The following NCEH1 variants were observed in gnomAD, a reference collection of about 807,000 sequenced individuals.
NCEH1 encodes neutral cholesterol ester hydrolase 1.
Under a neutral mutation model 25.4 loss-of-function variants are expected in NCEH1, and 9 were observed. That is an observed-to-expected ratio of 0.35 (90% CI 0.21 to 0.62). NCEH1 has a LOEUF of 0.62. Ranked by LOEUF, NCEH1 falls within the 20% of genes least tolerant of loss-of-function variation. The pLI is 0.72. For synonymous variants in NCEH1, 200 were observed against 199.8 expected, an observed-to-expected ratio of 1.00 and a Z score of -0.01; for missense variants, 412 against 501.1, an observed-to-expected ratio of 0.82 and a Z score of 1.70.
At chr3:172,679,313 T>C (rs1225005717) in intron 1 of NCEH1, among the ~76,000 whole-genome samples, 1 of 152,250 alleles carries the variant, frequency 6.6e-6, no homozygotes, top group Non-Finnish European at 1.5e-5. Context: ...TTATTACAGC[T>C]AGCAGATATT....
chr3:172,644,952 G>C (rs1265449576), intron 3 of NCEH1, among the ~76,000 whole-genome samples: 1 of 152,138 alleles, frequency 6.6e-6, no homozygotes, highest in African/African-American at 2.4e-5. Context: ...GTCAAAAAAA[G>C]GCTTGGCTGA....
At chr3:172,677,492 T>C (rs974473739) in intron 1 of NCEH1, among the ~76,000 whole-genome samples, 1 of 152,268 alleles carries the variant, frequency 6.6e-6, no homozygotes, top group East Asian at 1.9e-4. Flanking sequence ...TTACAGTTTA[T>C]GACCTTTTGA....
chr3:172,682,845 T>C (rs1195536069), intron 1 of NCEH1, among the ~76,000 whole-genome samples: 2 of 152,220 alleles, frequency 1.3e-5, no homozygotes. Flanking sequence ...CATGTTGTTA[T>C]GTAGTTTGAT....
chr3:172,663,288 T>C (rs1317405224), intron 1 of NCEH1, among the ~76,000 whole-genome samples: 3 of 152,342 alleles, frequency 2.0e-5, no homozygotes, highest in East Asian at 3.9e-4. Context: ...AGTTTCTTAA[T>C]CCTGAGTTCT....
rs375874414 is a variant in NCEH1, at chr3:172,653,752, G to GT, written c.139-5639dup. On this transcript the variant is annotated intron_variant, in intron 1 of 4. Transcript: ENST00000475381. ...GTTGTTCTGTTTTTTTTGTTTTTTT[G>GT]TTTTTTTGTTTTTTTTTTTTTTTGA... Among the ~76,000 whole-genome samples the GT allele has an allele frequency of 5.8e-4, 49 of 83,840 alleles. 1 individual carries two copies. The highest frequency in any genetic ancestry group is 1.8e-3 in the African/African-American group (42 of 23,888). 55.0% of individuals were successfully genotyped at this position (83,840 alleles called of 152,430 possible).
intron 3 of NCEH1, among the ~76,000 whole-genome samples, chr3:172,641,060 T>C (rs77375137): frequency 0.011 from 1,648 of 152,034 alleles, 32 homozygotes; most frequent in African/African-American, 0.038. Context: ...AACTGCACCA[T>C]TGCACTCCAC....
intron 1 of NCEH1, among the ~76,000 whole-genome samples, chr3:172,677,120 A>G (rs2108517335): frequency 6.6e-6 from 1 of 152,318 alleles, no homozygotes; most frequent in East Asian, 1.9e-4. Context: ...ACTTCCAAAC[A>G]AAACCTCCCA....
At chr3:172,687,811 G>C (rs1712780468) in intron 1 of NCEH1, among the ~76,000 whole-genome samples, 1 of 152,158 alleles carries the variant, frequency 6.6e-6, no homozygotes, top group Admixed American at 6.5e-5. Flanking sequence ...TATGCAATGT[G>C]GGCCAAAAAT....
At chr3:172,649,176 T>TA (rs1216341420) in intron 1 of NCEH1, among the ~76,000 whole-genome samples, 1 of 152,134 alleles carries the variant, frequency 6.6e-6, no homozygotes, top group East Asian at 1.9e-4. Context: ...TCCTGAGCCC[T>TA]TTACCCCAGT....
chr3:172,655,396 G>T (rs1293750641), intron 1 of NCEH1, among the ~76,000 whole-genome samples: 1 of 152,182 alleles, frequency 6.6e-6, no homozygotes, highest in Non-Finnish European at 1.5e-5. Context: ...CCAGGTAGTT[G>T]GTTCATGTTG....
chr3:172,672,165 G>A (rs963099131), intron 1 of NCEH1, among the ~76,000 whole-genome samples: 6 of 152,074 alleles, frequency 3.9e-5, no homozygotes, highest in African/African-American at 1.4e-4. Context: ...CCATTACATT[G>A]TAATTGCCTA....
At chr3:172,655,761 T>G (rs1045747844) in intron 1 of NCEH1, among the ~76,000 whole-genome samples, 3 of 152,188 alleles carry the variant, frequency 2.0e-5, no homozygotes, top group African/African-American at 7.2e-5. Flanking sequence ...CTGGGAGGAT[T>G]TAGGCCACAT....
intron 1 of NCEH1, among the ~76,000 whole-genome samples, chr3:172,669,170 T>C (rs1718366851): frequency 1.3e-5 from 2 of 152,226 alleles, no homozygotes; most frequent in Admixed American, 6.5e-5. Flanking sequence ...ATTCAACTTC[T>C]CATTTTGTGA....
At chr3:172,647,664 C>CA (rs1717182722) in intron 2 of NCEH1, among the ~76,000 whole-genome samples, 1 of 152,174 alleles carries the variant, frequency 6.6e-6, no homozygotes, top group Admixed American at 6.5e-5. Flanking sequence ...AAAACCTTTA[C>CA]AAAGGATAAC....
At chr3:172,653,743 T>TTTGG (rs59443210) in intron 1 of NCEH1, among the ~76,000 whole-genome samples, 4 of 110,622 alleles carry the variant, frequency 3.6e-5, no homozygotes, top group South Asian at 2.4e-4. Flanking sequence ...CTGTTTTTTT[T>TTTGG]GTTTTTTTGT....
intron 1 of NCEH1, among the ~76,000 whole-genome samples, chr3:172,656,536 G>A (rs1717703809): frequency 6.6e-6 from 1 of 152,164 alleles, no homozygotes; most frequent in African/African-American, 2.4e-5. Flanking sequence ...GGAGGCCGAG[G>A]CAGGTGCATC....
intron 3 of NCEH1, among the ~76,000 whole-genome samples, chr3:172,636,347 T>C (rs1716596642): frequency 6.6e-6 from 1 of 152,046 alleles, no homozygotes; most frequent in Non-Finnish European, 1.5e-5. Context: ...AAACCAAACC[T>C]ACTTACCACC....
intron 1 of NCEH1, among the ~76,000 whole-genome samples, chr3:172,707,338 G>C (rs941530064): frequency 6.6e-6 from 1 of 152,102 alleles, no homozygotes; most frequent in African/African-American, 2.4e-5. Flanking sequence ...TCTTATGGTG[G>C]CTTTGCTATA....
intron 1 of NCEH1, among the ~76,000 whole-genome samples, chr3:172,662,195 C>G (rs1718002968): frequency 1.3e-5 from 2 of 152,148 alleles, no homozygotes; most frequent in South Asian, 4.1e-4. Flanking sequence ...TGAATTTTGT[C>G]AAAGGCTTTT....
Sources: allele counts gnomAD v4.1 joint callset (sites outside exome capture counted in the v4.1 genomes callset), GRCh38; gene constraint gnomAD v4.1.1; transcripts MANE v1.5; gene names NCBI Gene and HGNC (gene_info 2026-07-23, HGNC 2026-07-21).